The following FOCAD variants were observed in gnomAD, a reference collection of about 807,000 sequenced individuals.
FOCAD encodes KIAA1797.
Under a neutral mutation model 225.6 loss-of-function variants are expected in FOCAD, and 198 were observed. The ratio of observed to expected loss-of-function variants is 0.88; its 90% CI spans 0.78 to 0.99. FOCAD has a LOEUF of 0.99. FOCAD is among the 50% of genes least tolerant of loss of function. The pLI is 0.00. For missense variants in FOCAD, 2,713 were observed against 2,123.6 expected, an observed-to-expected ratio of 1.28 and a Z score of -5.46; for synonymous variants, 897 against 755.0, an observed-to-expected ratio of 1.19 and a Z score of -3.08.
intron 8 of FOCAD, among the ~76,000 whole-genome samples, chr9:20,772,275 T>C (rs1427344904): frequency 6.6e-6 from 1 of 152,174 alleles, no homozygotes; most frequent in Non-Finnish European, 1.5e-5. Context: ...ACTTGAGGTA[T>C]GTATGGATCA....
Position 20,757,642 on chromosome 9 carries a change from G to C in FOCAD, c.393-448G>C, listed in dbSNP as rs61729749. On this transcript the variant is annotated intron_variant, in intron 5 of 43. Transcript: ENST00000338382. ...AATGAAGTACCTGGAAACAGAGAGG[G>C]AGAGACAGAGCTTATGGGTTCGGGT... 1.4e-3 allele frequency among the ~76,000 whole-genome samples: 216 copies of C among 152,298 alleles called. 2 individuals are homozygous for C. Among genetic ancestry groups the C allele is most frequent in the African/African-American group, 5.1e-3 (211 of 41,574 alleles).
chr9:20,721,344 C>A (rs528473795), intron 4 of FOCAD, among the ~76,000 whole-genome samples: 4 of 152,218 alleles, frequency 2.6e-5, no homozygotes, highest in African/African-American at 7.2e-5. Flanking sequence ...ATAGTATCAT[C>A]GGGCTGAGTA....
intron 35 of FOCAD, among the ~76,000 whole-genome samples, chr9:20,970,087 C>G (rs1199425126): frequency 6.6e-6 from 1 of 151,802 alleles, no homozygotes; most frequent in South Asian, 2.1e-4. Flanking sequence ...ATTGGGAATC[C>G]CTTGTATGTG....
intron 21 of FOCAD, among the ~76,000 whole-genome samples, chr9:20,899,639 G>A (rs527677432): frequency 6.6e-6 from 1 of 152,040 alleles, no homozygotes; most frequent in Non-Finnish European, 1.5e-5. Context: ...ATTTTGAAAT[G>A]TATTTTGTTT....
chr9:20,859,358 G>A (rs1453949766), intron 15 of FOCAD, among the ~76,000 whole-genome samples: 1 of 149,926 alleles, frequency 6.7e-6, no homozygotes, highest in Non-Finnish European at 1.5e-5. Context: ...TTCCAGTCAG[G>A]CAACAAGAGT....
At chr9:20,898,504 C>T (rs573744473) in intron 21 of FOCAD, among the ~76,000 whole-genome samples, 6 of 151,940 alleles carry the variant, frequency 3.9e-5, no homozygotes, top group African/African-American at 1.4e-4. Context: ...TCAGTTGTGT[C>T]CAGTCTGTTA....
At position 20,932,924 on chromosome 9, in the gene FOCAD, T is replaced by C. The variant is rs1281733403; in HGVS notation, c.3318-90T>C. On this transcript the variant is annotated intron_variant, in intron 27 of 43. Coordinates refer to ENST00000338382, the MANE Select transcript of FOCAD (RefSeq NM_001375567.1). ...TTAAGAGAAATGCTGGTATTTCCAG[T>C]AAAATATTGAGAGTATAATATTGTA... is the stretch of plus-strand genomic sequence containing the variant. 1.6e-5 allele frequency: 14 copies of C among 900,856 alleles called. No individual in the cohort carries two copies. In the South Asian group the frequency reaches 2.1e-4, roughly 14 times the overall value. 55.8% of individuals were successfully genotyped at this position (900,856 alleles called of 1,614,324 possible). A position where few individuals can be genotyped will look rare whatever the true frequency, so the allele number is the denominator to read the frequency against.
chr9:20,857,036 T>C (rs1312976648), intron 15 of FOCAD, among the ~76,000 whole-genome samples: 1 of 152,116 alleles, frequency 6.6e-6, no homozygotes, highest in Non-Finnish European at 1.5e-5. Flanking sequence ...TCCTGCAATT[T>C]TGTTGTTTTT....
intron 11 of FOCAD, among the ~76,000 whole-genome samples, chr9:20,801,766 A>G (rs1283553839): frequency 2.0e-5 from 3 of 152,124 alleles, no homozygotes; most frequent in African/African-American, 7.2e-5. Flanking sequence ...TGGGGTGTCA[A>G]AGAAAGGCAG....
chr9:20,828,167 A>G (rs1256251247), intron 15 of FOCAD, among the ~76,000 whole-genome samples: 3 of 152,006 alleles, frequency 2.0e-5, no homozygotes, highest in Admixed American at 1.3e-4. Context: ...AAAAAAAAAA[A>G]AAGAGAGAAA....
Position 20,731,270 on chromosome 9 carries a change from C to CAACAACA in FOCAD, c.288-8964_288-8958dup, listed in dbSNP as rs1446918398. 4.2e-5 allele frequency among the ~76,000 whole-genome samples: 4 copies of CAACAACA among 94,382 alleles called. No homozygotes were observed. In the East Asian group the frequency reaches 1.4e-3, roughly 32 times the overall value. 61.9% of individuals were successfully genotyped at this position (94,382 alleles called of 152,430 possible). A position where few individuals can be genotyped will look rare whatever the true frequency, so the allele number is the denominator to read the frequency against. On this transcript the variant is annotated intron_variant, in intron 4 of 43. Transcript: ENST00000338382. ...ACAACAACAACAACAACAACAACAA[C>CAACAACA]AACAACAACAACAAAGTACTTCATT...
chr9:20,837,293 G>C (rs567113371), intron 15 of FOCAD, among the ~76,000 whole-genome samples: 1 of 152,160 alleles, frequency 6.6e-6, no homozygotes, highest in Admixed American at 6.6e-5. Context: ...AGGGTGTCCA[G>C]CCGTGAGTTT....
chr9:20,851,213 T>G (rs913094314), intron 15 of FOCAD, among the ~76,000 whole-genome samples: 3 of 150,016 alleles, frequency 2.0e-5, no homozygotes, highest in African/African-American at 7.3e-5. Flanking sequence ...GAGTTTTGGT[T>G]TTTTTTTTTT....
chr9:20,757,572 T>A (rs907341358), intron 5 of FOCAD, among the ~76,000 whole-genome samples: 2 of 152,238 alleles, frequency 1.3e-5, no homozygotes, highest in African/African-American at 4.8e-5. Flanking sequence ...TCCTTTTTTC[T>A]ATTCTTAAAT....
At chr9:20,942,559 T>A (rs1836776206) in intron 28 of FOCAD, among the ~76,000 whole-genome samples, 1 of 152,230 alleles carries the variant, frequency 6.6e-6, no homozygotes, top group Admixed American at 6.5e-5. Flanking sequence ...AAAATTTGCC[T>A]ACTACTAAAC....
intron 4 of FOCAD, among the ~76,000 whole-genome samples, chr9:20,737,239 A>G (rs1827221335): frequency 6.6e-6 from 1 of 152,220 alleles, no homozygotes; most frequent in Non-Finnish European, 1.5e-5. Context: ...AATTAAAAGT[A>G]AATGTGATGT....
chr9:20,707,415 C>G (rs989092606), intron 1 of FOCAD, among the ~76,000 whole-genome samples: 5 of 152,102 alleles, frequency 3.3e-5, no homozygotes, highest in East Asian at 1.9e-4. Flanking sequence ...GACCCTTGAA[C>G]AATTTGGGGT....
chr9:20,769,901 CTT>C, intron 7 of FOCAD, 129 bp from the exon 8 acceptor site: 1 of 774,428 alleles, frequency 1.3e-6, no homozygotes, highest in Non-Finnish European at 2.0e-6. Context: ...AGTTCTGTAA[CTT>C]TTTTTCATCT....
At chr9:20,866,127 G>C in intron 17 of FOCAD, 151 bp downstream of exon 17, 2 of 676,560 alleles carry the variant, frequency 3.0e-6, no homozygotes, top group Non-Finnish European at 4.9e-6. Flanking sequence ...CATAAGTTTT[G>C]GTTTTAAAAA....
Sources: gnomAD v4.1 joint callset for allele counts (sites outside exome capture counted in the v4.1 genomes callset) on GRCh38, gnomAD v4.1.1 for gene constraint, MANE v1.5 for transcripts, NCBI Gene and HGNC (gene_info 2026-07-23, HGNC 2026-07-21) for gene names.